The following WASF3 variants were observed in gnomAD, a reference collection of about 807,000 sequenced individuals.
The protein encoded by WASF3 is actin-binding protein WASF3.
In WASF3, 11 loss-of-function variants were observed where a neutral mutation model predicts 46.6. The observed-to-expected ratio is 0.24, with a 90% CI of 0.15 to 0.39. The LOEUF (loss-of-function observed/expected upper bound fraction) is 0.39. WASF3 is among the 10% of genes least tolerant of loss of function. The probability of loss-of-function intolerance (pLI) is 1.00; values close to 1 mark genes in which losing one functional copy is unlikely to be tolerated. For missense variants in WASF3, 576 were observed against 669.8 expected (o/e 0.86, Z 1.55); for synonymous variants, 242 against 259.7 (o/e 0.93, Z 0.65).
At chr13:26,649,015 A>G (rs1010883903) in intron 3 of WASF3, among the ~76,000 whole-genome samples, 1 of 152,222 alleles carries the variant, frequency 6.6e-6, no homozygotes, top group Non-Finnish European at 1.5e-5. Context: ...ATGCATCATA[A>G]TTCTTAGGAG....
chr13:26,558,897 C>T (rs867435082), intron 1 of WASF3, among the ~76,000 whole-genome samples: 2 of 152,252 alleles, frequency 1.3e-5, no homozygotes, highest in Non-Finnish European at 1.5e-5. Flanking sequence ...TATTTTGCAT[C>T]TTAAAAATTA....
At chr13:26,552,919 A>C (rs1246281138), upstream of WASF3, among the ~76,000 whole-genome samples, 1 of 152,244 alleles carries the variant, frequency 6.6e-6, no homozygotes, top group African/African-American at 2.4e-5. Flanking sequence ...TGTCTTGAGA[A>C]AGTCACTGTG....
At chr13:26,622,512 T>C (rs1881337542) in intron 2 of WASF3, 2 of 152,232 alleles carry the variant, frequency 1.3e-5, no homozygotes. Flanking sequence ...TCCATGTTAA[T>C]AGAGTAGTGG....
At chr13:26,558,344 G>C (rs1879170163) in intron 1 of WASF3, among the ~76,000 whole-genome samples, 1 of 152,192 alleles carries the variant, frequency 6.6e-6, no homozygotes, top group Admixed American at 6.5e-5. Context: ...TGGTGCCCGC[G>C]TGCGTGTTGG....
intron 3 of WASF3, among the ~76,000 whole-genome samples, chr13:26,661,273 C>G (rs1882622294): frequency 6.6e-6 from 1 of 152,188 alleles, no homozygotes; most frequent in Non-Finnish European, 1.5e-5. Context: ...TACAGAACTC[C>G]CCATTTCCCT....
rs1041509073 is a variant in WASF3 at position 26,687,520 on chromosome 13, G to T, written c.*1675G>T. ...TTGGGTGCAGTCATGTAGATCTGAA[G>T]CCCTGAAAAGCCTCATGTCTGCATC... On this transcript the variant is annotated 3_prime_UTR_variant, in exon 10 of 10. Coordinates refer to ENST00000335327, the MANE Select transcript of WASF3 (RefSeq NM_006646.6). 1 of 152,094 alleles carries T rather than the reference G, an allele frequency of 6.6e-6. No homozygotes were observed. The highest frequency in any genetic ancestry group is 1.5e-5 in the Non-Finnish European group (1 of 68,076). 9.4% of individuals were successfully genotyped at this position (152,094 alleles called of 1,614,324 possible).
chr13:26,599,809 C>T (rs1490788051), intron 1 of WASF3, among the ~76,000 whole-genome samples: 4 of 152,074 alleles, frequency 2.6e-5, no homozygotes, highest in African/African-American at 7.2e-5. Flanking sequence ...TTTCTAAATC[C>T]TGGGGCAAAT....
At chr13:26,667,452 T>C (rs549866682) in intron 4 of WASF3, 65 bp from the exon 5 acceptor site, 1 of 1,413,284 alleles carries the variant, frequency 7.1e-7, no homozygotes, top group East Asian at 2.4e-5. Context: ...AGTCAAATGG[T>C]ATTTACTTCT....
At chr13:26,667,764 T>C (rs1413617408) in intron 5 of WASF3, 94 bp downstream of exon 5, 2 of 1,251,208 alleles carry the variant, frequency 1.6e-6, no homozygotes, top group Non-Finnish European at 2.2e-6. Context: ...GGAATGTCCT[T>C]GATGGTTCAT....
intron 1 of WASF3, among the ~76,000 whole-genome samples, chr13:26,611,448 G>A (rs377168847): frequency 1.4e-4 from 21 of 152,278 alleles, no homozygotes; most frequent in East Asian, 1.2e-3. Flanking sequence ...GAGTTAACAC[G>A]TGATTCTTAA....
chr13:26,599,668 A>T (rs1407108645), intron 1 of WASF3, among the ~76,000 whole-genome samples: 1 of 152,166 alleles, frequency 6.6e-6, no homozygotes, highest in Admixed American at 6.5e-5. Context: ...ACCCTTATCT[A>T]TTGGCAGATT....
rs186486499 is a variant in WASF3 at position 26,686,518 on chromosome 13, G to A, written c.*673G>A. ...GTGGGCATTTGCTTAGTAAATGCCT[G>A]TTGATGGTTTTTGCAAGAGAATTCA... On this transcript the variant is annotated 3_prime_UTR_variant, in exon 10 of 10. Transcript: ENST00000335327. 3 of 152,364 alleles carry A rather than the reference G, an allele frequency of 2.0e-5. No homozygotes were observed. Among genetic ancestry groups the A allele is most frequent in the Non-Finnish European group, 4.4e-5 (3 of 68,054 alleles). The allele number at this position is 152,364 out of a possible 1,614,324, so 9.4% of individuals were successfully genotyped here. A position where few individuals can be genotyped will look rare whatever the true frequency, so the allele number is the denominator to read the frequency against.
intron 6 of WASF3, among the ~76,000 whole-genome samples, chr13:26,672,517 A>G (rs1882950132): frequency 6.6e-6 from 1 of 152,194 alleles, no homozygotes; most frequent in African/African-American, 2.4e-5. Flanking sequence ...AAGGTTGAGA[A>G]ATATCTGCAT....
intron 1 of WASF3, among the ~76,000 whole-genome samples, chr13:26,562,894 C>CCTTTT (rs557496701): frequency 1.1e-3 from 154 of 145,334 alleles, no homozygotes; most frequent in African/African-American, 3.6e-3. Context: ...CGCCTCCCTC[C>CCTTTT]CTTTTCTTTT....
At chr13:26,669,572 G>C (rs1403508832) in intron 5 of WASF3, among the ~76,000 whole-genome samples, 2 of 152,050 alleles carry the variant, frequency 1.3e-5, no homozygotes, top group African/African-American at 4.8e-5. Flanking sequence ...GGAGTGCAAT[G>C]GCGCAGTCTC....
At chr13:26,544,763 T>G in the WASF3 span, among the ~76,000 whole-genome samples, 1 of 152,146 alleles carries the variant, frequency 6.6e-6, no homozygotes, top group Non-Finnish European at 1.5e-5. Context: ...GGACTCCACG[T>G]CAAGTGATCT....
chr13:26,652,215 A>C (rs1001788567), intron 3 of WASF3, among the ~76,000 whole-genome samples: 16 of 152,362 alleles, frequency 1.1e-4, no homozygotes, highest in African/African-American at 3.8e-4. Flanking sequence ...TATGCCCTGC[A>C]AACACAAGTT....
In WASF3 at chr13:26,683,337, A is replaced by T. The variant is rs116548727; in HGVS notation, c.1351+363A>T. 3.8e-3 allele frequency among the ~76,000 whole-genome samples: 573 copies of T among 152,220 alleles called. 5 individuals carry two copies. Among genetic ancestry groups the T allele is most frequent in the African/African-American group, 0.013 (541 of 41,530 alleles). On this transcript the variant is annotated intron_variant, in intron 9 of 9. Coordinates refer to ENST00000335327, the MANE Select transcript of WASF3 (RefSeq NM_006646.6). ...AAATGCAAAAAAAAATTAGCTGAGC[A>T]TGTTGGCCTGAGCCTGTAGTCCCAG...
the WASF3 span, among the ~76,000 whole-genome samples, chr13:26,543,917 GATC>G: frequency 6.6e-6 from 1 of 152,128 alleles, no homozygotes; most frequent in East Asian, 1.9e-4. Flanking sequence ...CGATTTCTAA[GATC>G]CAAGCAATTG....
Sources: allele counts gnomAD v4.1 joint callset (sites outside exome capture counted in the v4.1 genomes callset), GRCh38; gene constraint gnomAD v4.1.1; transcripts MANE v1.5; gene names NCBI Gene and HGNC (gene_info 2026-07-23, HGNC 2026-07-21).